Variants in ST6GALNAC3 observed in about 807,000 individuals in gnomAD.
The protein encoded by ST6GALNAC3 is ST6 N-acetylgalactosaminide alpha-2,6-sialyltransferase 3, also known as alpha-N-acetylgalactosaminide alpha-2,6-sialyltransferase 3.
ST6GALNAC3 carries 25 observed loss-of-function variants against 32.7 expected under a neutral mutation model. The ratio of observed to expected loss-of-function variants is 0.76; its 90% CI spans 0.56 to 1.07. The LOEUF is 1.07. ST6GALNAC3 is among the 50% of genes least tolerant of loss of function. The pLI, the probability that ST6GALNAC3 is intolerant of heterozygous loss-of-function variation, is 0.00. For synonymous variants in ST6GALNAC3, 129 were observed against 133.1 expected, an observed-to-expected ratio of 0.97 and a Z score of 0.21; for missense variants, 355 against 382.4, an observed-to-expected ratio of 0.93 and a Z score of 0.60.
chr1:76,362,220 C>T (rs947564903), intron 2 of ST6GALNAC3, among the ~76,000 whole-genome samples: 4 of 152,012 alleles, frequency 2.6e-5, no homozygotes, highest in South Asian at 2.1e-4. Flanking sequence ...TTTAAACAAC[C>T]GGATCTCTTG....
rs1240440266 is a variant in ST6GALNAC3 at position 76,192,203 on chromosome 1, A to G, written c.18+117319A>G. On this transcript the variant is annotated intron_variant, in intron 1 of 4. Coordinates refer to ENST00000328299, the MANE Select transcript of ST6GALNAC3 (RefSeq NM_152996.4). Reference sequence around the variant, plus strand: ...GTGGGACTGTTTTGACTGTATTGGTACTTTCTTTTTCCCAAAAAGGCAGAG... The same window carrying G: ...GTGGGACTGTTTTGACTGTATTGGTGCTTTCTTTTTCCCAAAAAGGCAGAG... Among the ~76,000 whole-genome samples the G allele has an allele frequency of 2.0e-5, 3 of 152,196 alleles. No individual in the cohort carries two copies. In the East Asian group the frequency reaches 5.8e-4, roughly 29 times the overall value.
intron 1 of ST6GALNAC3, among the ~76,000 whole-genome samples, chr1:76,163,444 A>C (rs1233869060): frequency 6.6e-6 from 1 of 152,204 alleles, no homozygotes; most frequent in Non-Finnish European, 1.5e-5. Context: ...TGGGACCCAG[A>C]TTCGACAACT....
At chr1:76,519,902 A>C (rs1570067583) in intron 3 of ST6GALNAC3, among the ~76,000 whole-genome samples, 1 of 151,738 alleles carries the variant, frequency 6.6e-6, no homozygotes, top group Non-Finnish European at 1.5e-5. Context: ...AAATATATAC[A>C]TGCATGCATG....
intron 3 of ST6GALNAC3, among the ~76,000 whole-genome samples, chr1:76,519,225 G>T (rs1662363992): frequency 6.6e-6 from 1 of 151,658 alleles, no homozygotes; most frequent in Admixed American, 6.6e-5. Flanking sequence ...ACTCCTATTA[G>T]ATAAAGCTTC....
intron 3 of ST6GALNAC3, among the ~76,000 whole-genome samples, chr1:76,516,012 C>T (rs951750385): frequency 6.6e-5 from 10 of 152,026 alleles, no homozygotes; most frequent in Admixed American, 1.3e-4. Context: ...TGTTAAAGTC[C>T]GATACTATTA....
At chr1:76,419,955 T>TTG (rs919138244) in intron 3 of ST6GALNAC3, among the ~76,000 whole-genome samples, 2 of 151,334 alleles carry the variant, frequency 1.3e-5, no homozygotes, top group Non-Finnish European at 2.9e-5. Context: ...TTTTTTTTTT[T>TTG]TTTGTTTGTT....
chr1:76,159,708 T>TC (rs2100370661), intron 1 of ST6GALNAC3, among the ~76,000 whole-genome samples: 3 of 152,346 alleles, frequency 2.0e-5, no homozygotes, highest in African/African-American at 7.2e-5. Flanking sequence ...AAACCAGACA[T>TC]GAAAACAACT....
chr1:76,314,764 C>G (rs1646833088), intron 2 of ST6GALNAC3, among the ~76,000 whole-genome samples: 2 of 152,142 alleles, frequency 1.3e-5, no homozygotes, highest in South Asian at 4.1e-4. Context: ...GTTTAATATT[C>G]AGAGACACAA....
intron 1 of ST6GALNAC3, among the ~76,000 whole-genome samples, chr1:76,254,393 C>G (rs1244046874): frequency 6.6e-6 from 1 of 152,088 alleles, no homozygotes; most frequent in African/African-American, 2.4e-5. Flanking sequence ...GATTTCTCTC[C>G]CCTATTCAGT....
intron 2 of ST6GALNAC3, among the ~76,000 whole-genome samples, chr1:76,324,556 G>A (rs763936519): frequency 2.2e-4 from 33 of 152,096 alleles, no homozygotes; most frequent in African/African-American, 7.0e-4. Flanking sequence ...ATTGGGGGCC[G>A]TTCTACAGAA....
chr1:76,348,884 C>T (rs943194112), intron 2 of ST6GALNAC3, among the ~76,000 whole-genome samples: 1 of 152,160 alleles, frequency 6.6e-6, no homozygotes, highest in East Asian at 1.9e-4. Flanking sequence ...AGTGAGAGAA[C>T]ATACTTCATG....
At chr1:76,539,433 T>A (rs1040844386) in intron 3 of ST6GALNAC3, among the ~76,000 whole-genome samples, 10 of 152,062 alleles carry the variant, frequency 6.6e-5, no homozygotes, top group Admixed American at 1.3e-4. Flanking sequence ...ACCTAGGCAA[T>A]ACCATTCAGG....
At chr1:76,623,962 A>C (rs1648805217) in intron 3 of ST6GALNAC3, among the ~76,000 whole-genome samples, 1 of 151,950 alleles carries the variant, frequency 6.6e-6, no homozygotes, top group Non-Finnish European at 1.5e-5. Flanking sequence ...CACTGCAAGC[A>C]TCATTGTATG....
intron 1 of ST6GALNAC3, among the ~76,000 whole-genome samples, chr1:76,085,509 G>C (rs1646952912): frequency 6.6e-6 from 1 of 152,154 alleles, no homozygotes; most frequent in South Asian, 2.1e-4. Context: ...CCAAGTGACT[G>C]CCCAAAGTCT....
chr1:76,124,441 G>T (rs769313434), intron 1 of ST6GALNAC3, among the ~76,000 whole-genome samples: 1 of 152,206 alleles, frequency 6.6e-6, no homozygotes, highest in Admixed American at 6.5e-5. Context: ...GTGAGTTGCA[G>T]TCCTCCCTAC....
chr1:76,135,190 T>TA (rs1162791648), intron 1 of ST6GALNAC3, among the ~76,000 whole-genome samples: 1 of 152,122 alleles, frequency 6.6e-6, no homozygotes, highest in African/African-American at 2.4e-5. Context: ...TGGAAAATAA[T>TA]AAAAAACTTG....
At chr1:76,331,973 T>G (rs779011625) in intron 2 of ST6GALNAC3, among the ~76,000 whole-genome samples, 1 of 152,222 alleles carries the variant, frequency 6.6e-6, no homozygotes, top group Non-Finnish European at 1.5e-5. Flanking sequence ...AAAGATTGAT[T>G]GGAACACAAG....
At chr1:76,317,307 G>A (rs17626410) in intron 2 of ST6GALNAC3, among the ~76,000 whole-genome samples, 11,723 of 152,088 alleles carry the variant, frequency 0.077, 586 homozygotes, top group Middle Eastern at 0.18. Context: ...GGCGCAATCC[G>A]TTGCAGAAAT....
chr1:76,362,556 G>C (rs1557823661), intron 2 of ST6GALNAC3, among the ~76,000 whole-genome samples: 1 of 152,202 alleles, frequency 6.6e-6, no homozygotes, highest in Non-Finnish European at 1.5e-5. Context: ...CTGCCTATGA[G>C]CCTGTGAAAT....
Sources: allele counts gnomAD v4.1 joint callset (sites outside exome capture counted in the v4.1 genomes callset), GRCh38; gene constraint gnomAD v4.1.1; transcripts MANE v1.5; gene names NCBI Gene and HGNC (gene_info 2026-07-23, HGNC 2026-07-21).